UBXN2B: variants seen among roughly 807,000 people sequenced by gnomAD.
UBXN2B encodes the protein UBX domain-containing protein 2B.
Under a neutral mutation model 37.5 loss-of-function variants are expected in UBXN2B, and 19 were observed. That is an observed-to-expected ratio of 0.51 (90% CI 0.35 to 0.74). UBXN2B has a LOEUF of 0.74. UBXN2B is among the 30% of genes least tolerant of loss of function. The pLI is 0.01. For synonymous variants in UBXN2B, 145 were observed against 143.8 expected, an observed-to-expected ratio of 1.01 and a Z score of -0.06; for missense variants, 370 against 393.2, an observed-to-expected ratio of 0.94 and a Z score of 0.50.
intron 6 of UBXN2B, among the ~76,000 whole-genome samples, chr8:58,444,218 G>A (rs986617087): frequency 6.6e-6 from 1 of 152,124 alleles, no homozygotes; most frequent in African/African-American, 2.4e-5. Flanking sequence ...TTACCAATAG[G>A]AATATTGGGG....
chr8:58,411,416 G>GAGC lies in UBXN2B; in HGVS notation c.34_36dup (p.Gln12dup). On this transcript the variant is annotated inframe_insertion, in exon 1 of 8. Transcript: ENST00000399598. ...GGAGGGCGGAGGCCCTGAGCCCGGC[G>GAGC]AGCAGGAGAGGAGGTCTTCCGGGCC... is the stretch of plus-strand genomic sequence containing the variant. The GAGC allele has an allele frequency of 3.9e-6, 5 of 1,270,576 alleles. No homozygotes were observed. Among genetic ancestry groups the GAGC allele is most frequent in the Non-Finnish European group, 4.0e-6 (4 of 1,002,752 alleles). The allele number at this position is 1,270,576 out of a possible 1,614,324, so 78.7% of individuals were successfully genotyped here.
chr8:58,439,351 T>C (rs1808490053), intron 5 of UBXN2B, among the ~76,000 whole-genome samples: 1 of 152,200 alleles, frequency 6.6e-6, no homozygotes, highest in East Asian at 1.9e-4. Context: ...GATTTACATA[T>C]AAATTGCTGT....
At chr8:58,443,094 C>T (rs1808588618) in intron 6 of UBXN2B, among the ~76,000 whole-genome samples, 1 of 152,222 alleles carries the variant, frequency 6.6e-6, no homozygotes, top group African/African-American at 2.4e-5. Context: ...AGTGCTGTGC[C>T]TCGCCAGTCT....
At chr8:58,436,960 A>C (rs773161886) in intron 5 of UBXN2B, among the ~76,000 whole-genome samples, 1 of 152,224 alleles carries the variant, frequency 6.6e-6, no homozygotes, top group Non-Finnish European at 1.5e-5. Context: ...ATTGGTACCA[A>C]GGAGTAGGGC....
intron 7 of UBXN2B, among the ~76,000 whole-genome samples, chr8:58,447,184 T>TAA (rs1808701462): frequency 6.6e-6 from 1 of 152,178 alleles, no homozygotes. Flanking sequence ...ACAGGAAAAG[T>TAA]AAATGTTAAG....
chr8:58,413,777 A>G (rs116580290), intron 1 of UBXN2B, among the ~76,000 whole-genome samples: 3,877 of 152,142 alleles, frequency 0.025, 151 homozygotes, highest in African/African-American at 0.087. Context: ...GTTTTTTTGC[A>G]TATCAGAGTA....
rs1808754662 is a variant in UBXN2B, at chr8:58,449,362, T to C, written c.*1811T>C. ...CAGATTCATCACAAATAAATTTACATCACTCATAGGTGCTCAAAAGTCACA... is the reference window on the plus strand; with the variant it reads ...CAGATTCATCACAAATAAATTTACACCACTCATAGGTGCTCAAAAGTCACA... On this transcript the variant is annotated 3_prime_UTR_variant, in exon 8 of 8. Transcript: ENST00000399598. 1.4e-5 allele frequency: 2 copies of C among 141,986 alleles called. No homozygotes were observed. Among genetic ancestry groups the C allele is most frequent in the African/African-American group, 5.1e-5 (2 of 39,252 alleles). The allele number at this position is 141,986 out of a possible 1,614,324, so 8.8% of individuals were successfully genotyped here.
chr8:58,447,114 A>G (rs1808699440), intron 7 of UBXN2B, among the ~76,000 whole-genome samples: 1 of 152,062 alleles, frequency 6.6e-6, no homozygotes, highest in Non-Finnish European at 1.5e-5. Flanking sequence ...TGCACTTTTA[A>G]AATAACAACA....
chr8:58,422,290 A>C (rs536891788), intron 2 of UBXN2B, among the ~76,000 whole-genome samples: 32 of 152,352 alleles, frequency 2.1e-4, no homozygotes, highest in African/African-American at 7.0e-4. Flanking sequence ...TGAGAATGGC[A>C]GCCAAACTAA....
At chr8:58,434,640 G>A (rs1346105770) in intron 5 of UBXN2B, 136 bp downstream of exon 5, 12 of 943,516 alleles carry the variant, frequency 1.3e-5, no homozygotes, top group East Asian at 2.8e-5. Flanking sequence ...TGCTGGGGGT[G>A]TAGGTATTCT....
intron 2 of UBXN2B, among the ~76,000 whole-genome samples, chr8:58,428,326 T>C (rs971626355): frequency 2.0e-5 from 3 of 152,220 alleles, no homozygotes; most frequent in Admixed American, 1.3e-4. Flanking sequence ...ACAATTTTCA[T>C]TCAACTTGTA....
chr8:58,414,472 C>T (rs910402872), intron 1 of UBXN2B, among the ~76,000 whole-genome samples: 5 of 152,190 alleles, frequency 3.3e-5, no homozygotes, highest in African/African-American at 1.2e-4. Flanking sequence ...ATTTCAAATT[C>T]TAGAGGAAAG....
At chr8:58,426,596 C>CA (rs1479526550) in intron 2 of UBXN2B, 3 of 751,534 alleles carry the variant, frequency 4.0e-6, no homozygotes, top group East Asian at 2.5e-5. Flanking sequence ...TAGGCCTTGC[C>CA]AAAAAACTGC....
intron 2 of UBXN2B, among the ~76,000 whole-genome samples, chr8:58,420,359 C>A (rs1288516105): frequency 6.6e-6 from 1 of 151,984 alleles, no homozygotes; most frequent in East Asian, 1.9e-4. Flanking sequence ...TTTTAAAAAA[C>A]AGTTGCAAAT....
chr8:58,414,325 G>A (rs1304477436), intron 1 of UBXN2B, among the ~76,000 whole-genome samples: 2 of 152,092 alleles, frequency 1.3e-5, no homozygotes, highest in Non-Finnish European at 2.9e-5. Context: ...AAGTTCCCAG[G>A]TGTCTGTATA....
At chr8:58,435,033 C>T (rs1203355305) in intron 5 of UBXN2B, 2 of 1,474,516 alleles carry the variant, frequency 1.4e-6, no homozygotes, top group East Asian at 2.5e-5. Flanking sequence ...CTTACCAGCT[C>T]TTCTTGCTAA....
rs572106367 is a variant in UBXN2B, at chr8:58,447,710, A to G, written c.*159A>G. The G allele has an allele frequency of 4.4e-5, 28 of 638,362 alleles. 1 individual carries two copies. The highest frequency in any genetic ancestry group is 4.1e-4 in the Middle Eastern group (1 of 2,424). The allele number at this position is 638,362 out of a possible 1,614,324, so 39.5% of individuals were successfully genotyped here. A position where few individuals can be genotyped will look rare whatever the true frequency, so the allele number is the denominator to read the frequency against. On this transcript the variant is annotated 3_prime_UTR_variant, in exon 8 of 8. Coordinates refer to ENST00000399598, the MANE Select transcript of UBXN2B (RefSeq NM_001077619.2). The stretch of plus-strand genomic sequence containing the variant: ...TGTCTTCCAATCTGAATATAGACAA[A>G]TTTGGATTAGGAATAGACCTTGAGA...
In UBXN2B at chr8:58,447,419, G is replaced by C. The variant is rs770238296; in HGVS notation, c.864G>C (p.Gln288His). 1.9e-6 allele frequency: 3 copies of C among 1,611,650 alleles called. No individual in the cohort carries two copies. Among genetic ancestry groups the C allele is most frequent in the Non-Finnish European group, 2.5e-6 (3 of 1,178,824 alleles). Residue 288 changes from glutamine (Q) to histidine (H), a missense_variant, in exon 8 of 8, where the codon CAG becomes CAC. Physicochemically the swap from Gln to His is conservative, Grantham distance 24 (BLOSUM62 0). This residue lies in a region of UBXN2B where 83 missense variants were observed against 83.5 expected (regional missense o/e 0.99). Coordinates refer to ENST00000399598, the MANE Select transcript of UBXN2B (RefSeq NM_001077619.2). Reference protein sequence around the residue: ...RILDVRNFIVQSRPEFAALDF... With the variant: ...RILDVRNFIVHSRPEFAALDF... ...TGGATGTCCGGAACTTTATTGTACA[G>C]TCTCGTCCTGAATTTGCGGCTCTTG... is the stretch of plus-strand genomic sequence containing the variant.
At position 58,448,228 on chromosome 8, in the gene UBXN2B, C is replaced by A. The variant is rs953460539; in HGVS notation, c.*677C>A. ...TGCTCTTGTTGCCCAGGCTGGAGTG[C>A]AATGGCATAATTTCTGCTCACCGCA... On this transcript the variant is annotated 3_prime_UTR_variant, in exon 8 of 8. Coordinates refer to ENST00000399598, the MANE Select transcript of UBXN2B (RefSeq NM_001077619.2). 3.4e-5 allele frequency: 5 copies of A among 148,240 alleles called. No individual in the cohort carries two copies. Among genetic ancestry groups the A allele is most frequent in the African/African-American group, 1.3e-4 (5 of 39,738 alleles). The allele number at this position is 148,240 out of a possible 1,614,324, so 9.2% of individuals were successfully genotyped here.
Sources: allele counts gnomAD v4.1 joint callset (sites outside exome capture counted in the v4.1 genomes callset), GRCh38; gene constraint gnomAD v4.1.1; regional missense constraint gnomAD v4.1.1; transcripts MANE v1.5; gene names NCBI Gene and HGNC (gene_info 2026-07-23, HGNC 2026-07-21).